MFSD1: variants seen among roughly 807,000 people sequenced by gnomAD.
MFSD1 encodes major facilitator superfamily domain containing 1.
Under a neutral mutation model 67.1 loss-of-function variants are expected in MFSD1, and 59 were observed. The ratio of observed to expected loss-of-function variants is 0.88; its 90% CI spans 0.71 to 1.09. The LOEUF (loss-of-function observed/expected upper bound fraction) is 1.09, where lower values mean the gene tolerates loss of function less well. MFSD1 is among the 50% of genes least tolerant of loss of function. The pLI is 0.00. For synonymous variants in MFSD1, 213 were observed against 200.3 expected, an observed-to-expected ratio of 1.06 and a Z score of -0.54; for missense variants, 552 against 566.1, an observed-to-expected ratio of 0.97 and a Z score of 0.25.
intron 7 of MFSD1, among the ~76,000 whole-genome samples, chr3:158,817,346 A>T (rs949784798): frequency 1.3e-5 from 2 of 152,134 alleles, no homozygotes; most frequent in Non-Finnish European, 2.9e-5. Context: ...ATATCTAGAA[A>T]ACCCCATTGT....
intron 14 of MFSD1, among the ~76,000 whole-genome samples, chr3:158,826,676 C>CT (rs1730982192): frequency 1.5e-5 from 2 of 129,702 alleles, no homozygotes; most frequent in African/African-American, 2.9e-5. Context: ...TTTTTCTTTT[C>CT]TTTTTTTCTT....
Position 158,819,690 on chromosome 3 carries a change from C to A in MFSD1, c.694C>A (p.Leu232Ile). The A allele has an allele frequency of 6.2e-7, 1 of 1,605,638 alleles. No homozygotes were observed. Among genetic ancestry groups the A allele is most frequent in the South Asian group, 1.1e-5 (1 of 90,614 alleles). Residue 232 changes from leucine (L) to isoleucine (I), a missense_variant, in exon 8 of 16, where the codon CTT (leucine) becomes ATT (isoleucine). Leu to Ile is a conservative substitution (Grantham distance 5). Coordinates refer to ENST00000415822, the MANE Select transcript of MFSD1 (RefSeq NM_022736.4). ...TCTTTCACTAATCTGTGCCTTGGCT[C>A]TTGCCTACTTGGATCAGAGAGCAGA... ...CILSLICALA[L>I]AYLDQRAERI... is the part of the protein sequence containing the mutation.
chr3:158,813,295 C>A (rs1356390997), intron 6 of MFSD1, among the ~76,000 whole-genome samples: 2 of 151,698 alleles, frequency 1.3e-5, no homozygotes, highest in African/African-American at 4.8e-5. Context: ...TTACAGGTGC[C>A]CGTCACCATG....
chr3:158,825,661 A>G (rs1730929543), intron 13 of MFSD1, among the ~76,000 whole-genome samples: 1 of 152,146 alleles, frequency 6.6e-6, no homozygotes, highest in Non-Finnish European at 1.5e-5. Flanking sequence ...GAAATGATAA[A>G]CAATCGGGGG....
chr3:158,815,819 AC>A (rs1730301530), intron 7 of MFSD1, among the ~76,000 whole-genome samples: 1 of 149,626 alleles, frequency 6.7e-6, no homozygotes, highest in African/African-American at 2.5e-5. Context: ...CCACCCCACA[AC>A]AGTCCCCAGA....
chr3:158,810,484 T>C (rs1729948705), intron 6 of MFSD1, among the ~76,000 whole-genome samples: 1 of 152,222 alleles, frequency 6.6e-6, no homozygotes. Context: ...CTTCATCATA[T>C]GAGTATTTCT....
At chr3:158,808,806 T>G (rs1045796354) in intron 5 of MFSD1, among the ~76,000 whole-genome samples, 2 of 152,160 alleles carry the variant, frequency 1.3e-5, no homozygotes, top group African/African-American at 4.8e-5. Flanking sequence ...TGAAAGCTTA[T>G]TGACTCACAT....
chr3:158,823,178 A>G (rs1360390687), intron 11 of MFSD1: 2 of 407,950 alleles, frequency 4.9e-6, no homozygotes, highest in African/African-American at 4.0e-5. Flanking sequence ...GGCCCCAGCC[A>G]GTTACATATG....
Position 158,829,188 on chromosome 3 carries a change from CT to C in MFSD1, c.*210del, listed in dbSNP as rs1428274790. 1.5e-5 allele frequency: 6 copies of C among 397,158 alleles called. No homozygotes were observed. The highest frequency in any genetic ancestry group is 4.5e-5 in the Admixed American group (1 of 22,096). The allele number at this position is 397,158 out of a possible 1,614,324, so 24.6% of individuals were successfully genotyped here. On this transcript the variant is annotated 3_prime_UTR_variant, in exon 16 of 16. Coordinates refer to ENST00000415822, the MANE Select transcript of MFSD1 (RefSeq NM_022736.4). The stretch of plus-strand genomic sequence containing the variant: ...TATTGTGTGTTGCTAAAGAATTCTA[CT>C]TTTAGTAGGCTAATCAACAATGAAA...
chr3:158,825,280 T>C (rs964433804), intron 13 of MFSD1: 3 of 152,170 alleles, frequency 2.0e-5, no homozygotes, highest in Non-Finnish European at 4.4e-5. Flanking sequence ...CACCTCAGCC[T>C]CCGTGATAGC....
chr3:158,820,555 T>C (rs554065579), intron 9 of MFSD1, among the ~76,000 whole-genome samples: 1 of 152,312 alleles, frequency 6.6e-6, no homozygotes, highest in East Asian at 1.9e-4. Flanking sequence ...TCCACTCTCA[T>C]GCTGCTAATA....
At chr3:158,818,917 T>C (rs1352702320) in intron 7 of MFSD1, among the ~76,000 whole-genome samples, 1 of 152,216 alleles carries the variant, frequency 6.6e-6, no homozygotes, top group Admixed American at 6.5e-5. Flanking sequence ...AGAGAGCTTG[T>C]GTTCCATGTC....
Position 158,820,244 on chromosome 3 carries a change from G to C in MFSD1, c.781G>C (p.Asp261His). Residue 261 changes from aspartate to histidine, a missense_variant, in exon 9 of 16, where the codon GAC (aspartate) becomes CAC (histidine). Asp to His is a moderately conservative substitution (Grantham distance 81, BLOSUM62 -1). Coordinates refer to ENST00000415822, the MANE Select transcript of MFSD1 (RefSeq NM_022736.4). ...GEVIKLTDVK[D>H]FSLPLWLIFI... ...AGTTATTAAATTAACTGATGTAAAG[G>C]ACTTCTCCTTACCCCTGTGGCTTAT... is the stretch of plus-strand genomic sequence containing the variant. 6.2e-7 allele frequency: 1 copy of C among 1,609,166 alleles called. No individual in the cohort carries two copies. Among genetic ancestry groups the C allele is most frequent in the Non-Finnish European group, 8.5e-7 (1 of 1,175,908 alleles).
intron 6 of MFSD1, 44 bp from the exon 7 acceptor site, chr3:158,813,921 A>G: frequency 7.2e-7 from 1 of 1,384,310 alleles, no homozygotes; most frequent in Non-Finnish European, 1.0e-6. Flanking sequence ...GCAGAGATAT[A>G]TATGATTTAA....
At chr3:158,805,733 CA>C (rs1729690898) in intron 3 of MFSD1, among the ~76,000 whole-genome samples, 1 of 152,226 alleles carries the variant, frequency 6.6e-6, no homozygotes, top group Non-Finnish European at 1.5e-5. Flanking sequence ...CCCTTGGGAT[CA>C]GGTAAACCAG....
Position 158,823,489 on chromosome 3 carries a change from T to A in MFSD1, c.1139T>A (p.Val380Glu). The A allele has an allele frequency of 6.2e-7, 1 of 1,613,722 alleles. No homozygotes were observed. The highest frequency in any genetic ancestry group is 8.5e-7 in the Non-Finnish European group (1 of 1,179,614). The change falls in exon 12 of 16, where the codon GTA (valine) becomes GAA (glutamate). Residue 380 changes from valine (V) to glutamate (E), a missense_variant. By Grantham distance (121) the Val-to-Glu change is moderately radical. Coordinates refer to ENST00000415822, the MANE Select transcript of MFSD1 (RefSeq NM_022736.4). Reference sequence around the variant, plus strand: ...GCATTGTGGCCAATGGTGGCATTTGTAGTTCCTGAACATCAGCTGGGAACT... The same window carrying A: ...GCATTGTGGCCAATGGTGGCATTTGAAGTTCCTGAACATCAGCTGGGAACT... ...ACALWPMVAF[V>E]VPEHQLGTAY... is the part of the protein sequence containing the mutation.
At chr3:158,802,395 C>A in intron 1 of MFSD1, 80 bp downstream of exon 1, 3 of 1,526,640 alleles carry the variant, frequency 2.0e-6, no homozygotes, top group Non-Finnish European at 2.7e-6. Context: ...ATCGTGGTCA[C>A]TGGTGCCACG....
intron 3 of MFSD1, among the ~76,000 whole-genome samples, 194 bp from the exon 4 acceptor site, chr3:158,806,846 C>T (rs1729751356): frequency 6.6e-6 from 1 of 152,060 alleles, no homozygotes; most frequent in Non-Finnish European, 1.5e-5. Flanking sequence ...CATATTTAGC[C>T]TGAGAGTTGC....
At chr3:158,814,176 G>A (rs189752407) in intron 7 of MFSD1, 109 bp downstream of exon 7, 56 of 738,646 alleles carry the variant, frequency 7.6e-5, no homozygotes, top group African/African-American at 6.0e-4. Flanking sequence ...TGGTTATAGT[G>A]TTGTCTCCAT....
Sources: gnomAD v4.1 joint callset for allele counts (sites outside exome capture counted in the v4.1 genomes callset) on GRCh38, gnomAD v4.1.1 for gene constraint, MANE v1.5 for transcripts, NCBI Gene and HGNC (gene_info 2026-07-23, HGNC 2026-07-21) for gene names.